MAPK10: variants seen among roughly 807,000 people sequenced by gnomAD.
The protein encoded by MAPK10 is JNK3 alpha protein kinase.
A neutral mutation model predicts 59.3 loss-of-function variants in MAPK10; 25 were observed. That is an observed-to-expected ratio of 0.42 (90% CI 0.31 to 0.59). The LOEUF (loss-of-function observed/expected upper bound fraction) is 0.59. Among genes scored for constraint, MAPK10 ranks in the 20% least tolerant of loss-of-function variants. The pLI, the probability that MAPK10 is intolerant of heterozygous loss-of-function variation, is 0.15. For synonymous variants in MAPK10, 190 were observed against 200.5 expected (o/e 0.95, Z 0.44); for missense variants, 351 against 568.9 (o/e 0.62, Z 3.90).
rs1246615074 is a variant in MAPK10 at position 86,074,790 on chromosome 4, A to T, written c.803-6835T>A. ...TGTTAGTCTGATGGGCTTCCCTTTGAGGGTAACCCGACCTTTCTCTCTGGC... is the reference window on the plus strand; with the variant it reads ...TGTTAGTCTGATGGGCTTCCCTTTGTGGGTAACCCGACCTTTCTCTCTGGC... On this transcript the variant is annotated intron_variant, in intron 9 of 13. Coordinates refer to ENST00000641462, the MANE Select transcript of MAPK10 (RefSeq NM_138982.4). Among the ~76,000 whole-genome samples the T allele has an allele frequency of 2.5e-4, 31 of 125,740 alleles. No individual in the cohort carries two copies. In the Middle Eastern group the frequency reaches 0.011, roughly 45 times the overall value. The allele number at this position is 125,740 out of a possible 152,430, so 82.5% of individuals were successfully genotyped here.
intron 1 of MAPK10, among the ~76,000 whole-genome samples, chr4:86,442,003 C>T (rs1749481914): frequency 2.6e-5 from 4 of 152,192 alleles, no homozygotes; most frequent in African/African-American, 9.7e-5. Flanking sequence ...AAAATTCGTA[C>T]ATTCCCTGGG....
intron 6 of MAPK10, 34 bp from the exon 7 acceptor site, chr4:86,102,066 T>G: frequency 6.9e-6 from 11 of 1,604,782 alleles, no homozygotes; most frequent in Non-Finnish European, 9.4e-6. Context: ...TAGTTCCAGA[T>G]CACAAGATCT....
intron 13 of MAPK10, among the ~76,000 whole-genome samples, chr4:86,021,726 G>A (rs113084291): frequency 4.6e-5 from 7 of 152,364 alleles, no homozygotes; most frequent in African/African-American, 9.6e-5. Flanking sequence ...CAGGCATGGC[G>A]GGCTGCAGGT....
At chr4:86,264,598 C>A (rs1384171084) in intron 2 of MAPK10, among the ~76,000 whole-genome samples, 1 of 152,118 alleles carries the variant, frequency 6.6e-6, no homozygotes, top group Non-Finnish European at 1.5e-5. Flanking sequence ...AATAATGAAG[C>A]CTGTCATCTT....
intron 1 of MAPK10, among the ~76,000 whole-genome samples, chr4:86,468,249 T>A (rs1207491904): frequency 5.9e-5 from 9 of 152,116 alleles, no homozygotes; most frequent in Admixed American, 5.9e-4. Flanking sequence ...TAAAAGAAAA[T>A]CCTTTTTTTG....
intron 3 of MAPK10, 80 bp downstream of exon 3, chr4:86,194,255 TG>T: frequency 9.5e-7 from 1 of 1,049,496 alleles, no homozygotes; most frequent in East Asian, 2.4e-5. Flanking sequence ...GACTTTGGTG[TG>T]GAATGTATGC....
chr4:86,242,789 C>T (rs535125004), intron 2 of MAPK10, among the ~76,000 whole-genome samples: 10 of 152,274 alleles, frequency 6.6e-5, no homozygotes, highest in Admixed American at 5.2e-4. Flanking sequence ...GTTTCGAGTC[C>T]CAGTGATGGC....
In MAPK10 at chr4:86,301,345, G is replaced by A. The variant is rs116664555; in HGVS notation, c.-7+53185C>T. On this transcript the variant is annotated intron_variant, in intron 2 of 13. Coordinates refer to ENST00000641462, the MANE Select transcript of MAPK10 (RefSeq NM_138982.4). ...TCACAGTGAAAGTTCTGCAGGGGAT[G>A]GCCAAGCCAAGAGTTAGAAATGGCA... 6.8e-3 allele frequency among the ~76,000 whole-genome samples: 1,030 copies of A among 151,870 alleles called. 14 individuals carry two copies. The highest frequency in any genetic ancestry group is 0.023 in the African/African-American group (970 of 41,398).
At chr4:86,023,925 A>T (rs543493566) in intron 13 of MAPK10, 1 of 147,852 alleles carries the variant, frequency 6.8e-6, no homozygotes, top group East Asian at 2.0e-4. Flanking sequence ...TTATGAGAAA[A>T]TAACCAGTTT....
Position 86,295,207 on chromosome 4 carries a change from GT to G in MAPK10, c.-7+59322del, listed in dbSNP as rs752844498. ...TTATGAAGGAACAAAACAACACGGTGTTTGTTGTTTAACCCCCTCGGGCCCC... is the reference window on the plus strand; with the variant it reads ...TTATGAAGGAACAAAACAACACGGTGTTGTTGTTTAACCCCCTCGGGCCCC... On this transcript the variant is annotated intron_variant, in intron 2 of 13. Coordinates refer to ENST00000641462, the MANE Select transcript of MAPK10 (RefSeq NM_138982.4). Among the ~76,000 whole-genome samples the G allele has an allele frequency of 1.9e-4, 29 of 152,138 alleles. 1 individual carries two copies. Among genetic ancestry groups the G allele is most frequent in the Admixed American group, 6.6e-5 (1 of 15,264 alleles).
intron 10 of MAPK10, chr4:86,065,680 C>T (rs553491262): frequency 3.3e-5 from 5 of 152,162 alleles, no homozygotes; most frequent in Non-Finnish European, 7.3e-5. Flanking sequence ...AGCTATCCCT[C>T]CCCTAGTCTT....
At chr4:86,285,223 C>CT (rs535093991) in intron 2 of MAPK10, among the ~76,000 whole-genome samples, 2,840 of 145,560 alleles carry the variant, frequency 0.02, 93 homozygotes, top group African/African-American at 0.062. Context: ...CTAAATGACA[C>CT]TTTTTTTTTT....
chr4:86,027,442 A>C (rs1750924057), intron 13 of MAPK10: 1 of 152,242 alleles, frequency 6.6e-6, no homozygotes, highest in South Asian at 2.1e-4. Flanking sequence ...CAAACACCTG[A>C]AAGCTGCAAA....
intron 1 of MAPK10, among the ~76,000 whole-genome samples, chr4:86,547,308 G>C (rs917495433): frequency 8.5e-5 from 13 of 152,220 alleles, no homozygotes; most frequent in Non-Finnish European, 1.6e-4. Context: ...CAGCTTGCCA[G>C]GAGGTGTGGA....
chr4:86,585,139 A>G (rs1222888907), intron 1 of MAPK10, among the ~76,000 whole-genome samples: 1 of 152,168 alleles, frequency 6.6e-6, no homozygotes, highest in Non-Finnish European at 1.5e-5. Flanking sequence ...AGTAGAGTTT[A>G]TACTTCTTTA....
chr4:86,173,207 C>T (rs1441123700), intron 3 of MAPK10, among the ~76,000 whole-genome samples: 1 of 152,140 alleles, frequency 6.6e-6, no homozygotes, highest in African/African-American at 2.4e-5. Context: ...ATCATTCTAC[C>T]TGACTTCAAA....
At chr4:86,157,766 T>C (rs1051555802) in intron 4 of MAPK10, among the ~76,000 whole-genome samples, 4 of 112,946 alleles carry the variant, frequency 3.5e-5, no homozygotes, top group African/African-American at 2.8e-4. Flanking sequence ...TATTAGAAAA[T>C]GTTCAAATCT....
At chr4:86,389,548 T>C (rs1455034575) in intron 1 of MAPK10, among the ~76,000 whole-genome samples, 1 of 152,212 alleles carries the variant, frequency 6.6e-6, no homozygotes, top group East Asian at 1.9e-4. Flanking sequence ...TTTTTGCCTT[T>C]ACTGACTGTT....
intron 1 of MAPK10, among the ~76,000 whole-genome samples, chr4:86,556,809 T>C (rs1760305291): frequency 6.6e-6 from 1 of 152,178 alleles, no homozygotes; most frequent in East Asian, 1.9e-4. Flanking sequence ...TTAAAATGTT[T>C]AAAATTTTAA....
Sources: gnomAD v4.1 joint callset for allele counts (sites outside exome capture counted in the v4.1 genomes callset) on GRCh38, gnomAD v4.1.1 for gene constraint, MANE v1.5 for transcripts, NCBI Gene and HGNC (gene_info 2026-07-23, HGNC 2026-07-21) for gene names.